Variants in LCP2 observed in about 807,000 individuals in gnomAD.
LCP2 encodes the protein 76 kDa tyrosine phosphoprotein.
Under a neutral mutation model 74.5 loss-of-function variants are expected in LCP2, and 29 were observed. The ratio of observed to expected loss-of-function variants is 0.39; its 90% CI spans 0.29 to 0.53. LCP2 has a LOEUF of 0.53. LCP2 is among the 20% of genes least tolerant of loss of function. LCP2 has a pLI of 0.72. For missense variants in LCP2, 604 were observed against 634.6 expected (o/e 0.95, Z 0.52); for synonymous variants, 228 against 229.5 (o/e 0.99, Z 0.06).
intron 3 of LCP2, among the ~76,000 whole-genome samples, chr5:170,277,672 A>C (rs1762029112): frequency 6.8e-6 from 1 of 147,772 alleles, no homozygotes; most frequent in Non-Finnish European, 1.5e-5. Context: ...TGAACCTGGG[A>C]GTCAGAGGTT....
intron 13 of LCP2, among the ~76,000 whole-genome samples, chr5:170,261,797 G>C (rs1463148683): frequency 6.6e-6 from 1 of 152,194 alleles, no homozygotes; most frequent in African/African-American, 2.4e-5. Context: ...TGGGGAGAAG[G>C]GGAAGAGCTG....
intron 3 of LCP2, among the ~76,000 whole-genome samples, chr5:170,279,330 T>G (rs1276587917): frequency 6.6e-6 from 1 of 152,154 alleles, no homozygotes; most frequent in Non-Finnish European, 1.5e-5. Flanking sequence ...CTTCTCAGTC[T>G]AAGGTCTCTC....
intron 17 of LCP2, among the ~76,000 whole-genome samples, chr5:170,255,361 A>G (rs776853445): frequency 2.8e-4 from 43 of 152,218 alleles, no homozygotes; most frequent in Non-Finnish European, 5.6e-4. Context: ...TCAGGCTATC[A>G]ACTCACATTT....
chr5:170,259,009 T>C lies in LCP2; in HGVS notation c.958-131A>G, dbSNP rs55832116. 2,706 of 633,222 alleles carry C rather than the reference T, an allele frequency of 4.3e-3. 75 individuals carry two copies. Among genetic ancestry groups the C allele is most frequent in the Admixed American group, 0.041 (1,518 of 36,904 alleles). 39.2% of individuals were successfully genotyped at this position (633,222 alleles called of 1,614,324 possible). On this transcript the variant is annotated intron_variant, in intron 14 of 20. Transcript: ENST00000046794. ...TTTCTCTGGCAGTTATACATCTTCA[T>C]AATAAATATACTGTGGAGAATAATA...
chr5:170,297,076 T>C (rs564897064), intron 1 of LCP2, among the ~76,000 whole-genome samples: 60 of 152,298 alleles, frequency 3.9e-4, no homozygotes, highest in African/African-American at 1.4e-3. Context: ...TTGATCTCAT[T>C]AGCAGTTACA....
intron 1 of LCP2, among the ~76,000 whole-genome samples, chr5:170,295,491 G>C (rs1287162766): frequency 6.6e-6 from 1 of 152,202 alleles, no homozygotes; most frequent in Non-Finnish European, 1.5e-5. Flanking sequence ...GGCACAGAGA[G>C]GCAAAGCAAC....
At chr5:170,280,664 G>A (rs952737178) in intron 3 of LCP2, among the ~76,000 whole-genome samples, 2 of 152,122 alleles carry the variant, frequency 1.3e-5, no homozygotes, top group Non-Finnish European at 2.9e-5. Flanking sequence ...GGTGCCTCAC[G>A]ATCATTTTCC....
intron 10 of LCP2, 97 bp from the exon 11 acceptor site, chr5:170,263,089 T>A: frequency 7.1e-7 from 1 of 1,417,522 alleles, no homozygotes; most frequent in Non-Finnish European, 9.8e-7. Flanking sequence ...CTGAACCCTC[T>A]TGGGGGTTGA....
At chr5:170,291,249 A>G (rs1762292423) in intron 2 of LCP2, among the ~76,000 whole-genome samples, 1 of 106,446 alleles carries the variant, frequency 9.4e-6, no homozygotes, top group African/African-American at 4.7e-5. Flanking sequence ...AAGGAAGGAA[A>G]AATAACTAGG....
At chr5:170,262,806 G>A (rs532374249) in intron 12 of LCP2, 36 bp downstream of exon 12, 24 of 1,613,744 alleles carry the variant, frequency 1.5e-5, no homozygotes, top group South Asian at 1.1e-4. Context: ...TCTACAGAAC[G>A]TCCCATGTAC....
intron 19 of LCP2, chr5:170,251,669 T>G (rs1761446464): frequency 2.2e-6 from 1 of 455,962 alleles, no homozygotes; most frequent in Non-Finnish European, 4.4e-6. Context: ...TGTCAGAACA[T>G]CTCTGCTAAA....
In LCP2 at chr5:170,247,050, A is replaced by AT. The variant is rs1761315292; in HGVS notation, c.*1646dup. On this transcript the variant is annotated 3_prime_UTR_variant, in exon 21 of 21. Coordinates refer to ENST00000046794, the MANE Select transcript of LCP2 (RefSeq NM_005565.5). ...ATCTATCAGGTCCTTCATTTTAGATATTTTTGAATTGTAAAGATAGAATAC... is the reference window on the plus strand; with the variant it reads ...ATCTATCAGGTCCTTCATTTTAGATATTTTTTGAATTGTAAAGATAGAATAC... The AT allele has an allele frequency of 3.9e-5, 6 of 152,294 alleles. No individual in the cohort carries two copies. In the South Asian group the frequency reaches 1.2e-3, roughly 32 times the overall value. The allele number at this position is 152,294 out of a possible 1,614,324, so 9.4% of individuals were successfully genotyped here.
chr5:170,281,135 G>C (rs1015432953), intron 3 of LCP2, among the ~76,000 whole-genome samples: 10 of 152,152 alleles, frequency 6.6e-5, no homozygotes, highest in African/African-American at 2.4e-4. Context: ...AGAGAAGAAG[G>C]GACAGCCAAG....
In LCP2 at chr5:170,275,875, G is replaced by A; in HGVS notation, c.189-15C>T. 6.4e-7 allele frequency: 1 copy of A among 1,552,730 alleles called. No homozygotes were observed. The highest frequency in any genetic ancestry group is 1.2e-5 in the South Asian group (1 of 84,630). ...TACTGAGAATCCTGCAAGATAAAGAGACAGATGAAGAGATAAAACCATCAC... is the reference window on the plus strand; with the variant it reads ...TACTGAGAATCCTGCAAGATAAAGAAACAGATGAAGAGATAAAACCATCAC... On this transcript the variant is annotated splice_polypyrimidine_tract_variant and intron_variant, in intron 3 of 20. Transcript: ENST00000046794.
intron 3 of LCP2, among the ~76,000 whole-genome samples, chr5:170,281,879 G>A (rs770984333): frequency 9.9e-5 from 15 of 152,168 alleles, no homozygotes; most frequent in South Asian, 2.1e-4. Flanking sequence ...TCTCTTCTCC[G>A]TAAAGTTACA....
Position 170,256,292 on chromosome 5 carries a change from G to A in LCP2, c.1150+234C>T, listed in dbSNP as rs900542701. 2.0e-5 allele frequency among the ~76,000 whole-genome samples: 3 copies of A among 152,160 alleles called. No homozygotes were observed. The highest frequency in any genetic ancestry group is 1.3e-4 in the Admixed American group (2 of 15,282). ...TGTGTGTGTGCATGTATATGTGCAT[G>A]TGTGTATGGGCATGTATATGTATAC... On this transcript the variant is annotated intron_variant, in intron 17 of 20. Coordinates refer to ENST00000046794, the MANE Select transcript of LCP2 (RefSeq NM_005565.5). This position sits in a 1 kb window ranked among gnomAD's most constrained non-coding sequence, Gnocchi z 4.5.
intron 6 of LCP2, among the ~76,000 whole-genome samples, chr5:170,271,966 G>A (rs1184107846): frequency 6.6e-6 from 1 of 152,162 alleles, no homozygotes; most frequent in Admixed American, 6.5e-5. Context: ...CAACAACAGA[G>A]GGGCAAAGTG....
intron 2 of LCP2, among the ~76,000 whole-genome samples, chr5:170,289,791 T>G (rs183392163): frequency 6.9e-5 from 10 of 144,740 alleles, no homozygotes; most frequent in African/African-American, 1.0e-4. Flanking sequence ...AGCATCTCCC[T>G]GCTTCTGAAC....
rs996686194 is a variant in LCP2, at chr5:170,262,497, T to G, written c.926+138A>C. ...ATAGCCAACCTGTGAAGCCTGAACA[T>G]CCCTCAAGCCACAGCAAGAAAAGGC... On this transcript the variant is annotated intron_variant, in intron 13 of 20. Transcript: ENST00000046794. 4 of 626,214 alleles carry G rather than the reference T, an allele frequency of 6.4e-6. No individual in the cohort carries two copies. In the African/African-American group the frequency reaches 7.4e-5, roughly 12 times the overall value. The allele number at this position is 626,214 out of a possible 1,614,324, so 38.8% of individuals were successfully genotyped here.
Sources: allele counts gnomAD v4.1 joint callset (sites outside exome capture counted in the v4.1 genomes callset), GRCh38; gene constraint gnomAD v4.1.1; non-coding constraint Gnocchi (gnomAD v3.1); transcripts MANE v1.5; gene names NCBI Gene and HGNC (gene_info 2026-07-23, HGNC 2026-07-21).